DNAH11: variants seen among roughly 807,000 people sequenced by gnomAD.
DNAH11 encodes the protein axonemal beta dynein heavy chain 11.
A neutral mutation model predicts 526.0 loss-of-function variants in DNAH11; 442 were observed. The ratio of observed to expected loss-of-function variants is 0.84; its 90% confidence interval spans 0.78 to 0.91. The LOEUF is 0.91. Ranked by LOEUF, DNAH11 falls within the 40% of genes least tolerant of loss-of-function variation. The pLI is 0.00. For missense variants in DNAH11, 6,989 were observed against 5,448.7 expected, an observed-to-expected ratio of 1.28 and a Z score of -8.90; for synonymous variants, 2,461 against 1,935.9, an observed-to-expected ratio of 1.27 and a Z score of -7.12.
chr7:21,704,801 A>C (rs1784203782), intron 38 of DNAH11, among the ~76,000 whole-genome samples, 173 bp downstream of exon 38: 1 of 152,244 alleles, frequency 6.6e-6, no homozygotes, highest in Non-Finnish European at 1.5e-5. Flanking sequence ...GTAAACATTT[A>C]AGTAGCCCCT....
At chr7:21,596,213 C>T (rs1784855188) in intron 14 of DNAH11, among the ~76,000 whole-genome samples, 2 of 152,164 alleles carry the variant, frequency 1.3e-5, no homozygotes, top group Non-Finnish European at 2.9e-5. Flanking sequence ...CCCAAGGCTG[C>T]CATGACAAGG....
At chr7:21,695,184 A>G (rs1453821083) in intron 35 of DNAH11, among the ~76,000 whole-genome samples, 2 of 152,234 alleles carry the variant, frequency 1.3e-5, no homozygotes, top group Non-Finnish European at 2.9e-5. Flanking sequence ...TAATTCAAAG[A>G]TTCAATGCTA....
At chr7:21,763,887 A>C (rs541103678) in intron 54 of DNAH11, among the ~76,000 whole-genome samples, 1 of 151,738 alleles carries the variant, frequency 6.6e-6, no homozygotes, top group South Asian at 2.1e-4. Context: ...GTCATATGTC[A>C]ACATGGATGA....
intron 6 of DNAH11, among the ~76,000 whole-genome samples, chr7:21,568,129 C>G (rs1389945853): frequency 2.6e-5 from 4 of 152,142 alleles, no homozygotes; most frequent in Non-Finnish European, 5.9e-5. Flanking sequence ...GGGAGACGAG[C>G]CTCAAACTAA....
At chr7:21,779,858 CA>C (rs1239097682) in intron 57 of DNAH11, among the ~76,000 whole-genome samples, 1 of 152,098 alleles carries the variant, frequency 6.6e-6, no homozygotes, top group African/African-American at 2.4e-5. Flanking sequence ...TTATTTTAGA[CA>C]AAAAAGTATA....
chr7:21,893,999 G>A (rs954951328), intron 77 of DNAH11, among the ~76,000 whole-genome samples: 3 of 152,152 alleles, frequency 2.0e-5, no homozygotes, highest in Admixed American at 6.5e-5. Context: ...AGCGATTTTC[G>A]TGCCTCAGCC....
rs574318635 is a variant in DNAH11, at chr7:21,736,874, T to A, written c.7645+1030T>A. ...ATCTATTCAGAAAATACATATTATT[T>A]ACCTACTTTTTCCCAAGCATTGTGT... On this transcript the variant is annotated intron_variant, in intron 46 of 81. Coordinates refer to ENST00000409508, the MANE Select transcript of DNAH11 (RefSeq NM_001277115.2). Among the ~76,000 whole-genome samples, 5 of 152,326 alleles carry A rather than the reference T, an allele frequency of 3.3e-5. No individual in the cohort carries two copies. In the South Asian group the frequency reaches 1.0e-3, roughly 32 times the overall value.
chr7:21,753,579 A>G (rs1359699236), intron 54 of DNAH11, among the ~76,000 whole-genome samples: 1 of 152,158 alleles, frequency 6.6e-6, no homozygotes, highest in Non-Finnish European at 1.5e-5. Flanking sequence ...TGTCTAAACA[A>G]CATGTATTTC....
chr7:21,589,499 A>G, intron 12 of DNAH11, 96 bp downstream of exon 12: 1 of 1,092,110 alleles, frequency 9.2e-7, no homozygotes, highest in Non-Finnish European at 1.3e-6. Flanking sequence ...CATTTGGGAA[A>G]ATGTCAGAGT....
chr7:21,653,424 TTG>T (rs1167262438), intron 28 of DNAH11, among the ~76,000 whole-genome samples: 1 of 152,144 alleles, frequency 6.6e-6, no homozygotes, highest in African/African-American at 2.4e-5. Context: ...TGCCTAAGAT[TTG>T]TGTTTCCTGG....
intron 32 of DNAH11, among the ~76,000 whole-genome samples, chr7:21,684,266 G>T (rs1465448868): frequency 6.6e-6 from 1 of 152,104 alleles, no homozygotes; most frequent in Non-Finnish European, 1.5e-5. Flanking sequence ...ACTAGGAATT[G>T]CCTGTGTTCA....
intron 30 of DNAH11, among the ~76,000 whole-genome samples, chr7:21,679,951 T>C (rs1783070680): frequency 1.3e-5 from 2 of 152,206 alleles, no homozygotes; most frequent in Non-Finnish European, 2.9e-5. Flanking sequence ...ACATATGCCA[T>C]GTTGGTGTGC....
rs1390896451 is a variant in DNAH11 at position 21,738,749 on chromosome 7, C to T, written c.7694C>T (p.Pro2565Leu). The part of the protein sequence containing the change: ...LEKKAGHNYG[P>L]GGNKKLIYFI... ...AAAAAAGCTGGTCATAACTATGGTC[C>T]TGGAGGAAATAAAAAATTGATTTAT... The change falls in exon 47 of 82, where the codon CCT (proline) becomes CTT (leucine). Residue 2565 changes from proline to leucine, a missense_variant. Transcript: ENST00000409508. 6.3e-7 allele frequency: 1 copy of T among 1,587,152 alleles called. No individual in the cohort carries two copies. The highest frequency in any genetic ancestry group is 1.8e-5 in the Admixed American group (1 of 56,370).
In DNAH11 at chr7:21,734,175, C is replaced by T. The variant is rs549384064; in HGVS notation, c.7441-1465C>T. Among the ~76,000 whole-genome samples the T allele has an allele frequency of 2.4e-4, 36 of 152,178 alleles. No individual in the cohort carries two copies. In the South Asian group the frequency reaches 2.7e-3, roughly 11 times the overall value. On this transcript the variant is annotated intron_variant, in intron 45 of 81. Coordinates refer to ENST00000409508, the MANE Select transcript of DNAH11 (RefSeq NM_001277115.2). ...ACTTACTAGTAGCTATGACCTTGAC[C>T]GAGTCAGTTATGTTCTTTAAGCTTT...
intron 28 of DNAH11, among the ~76,000 whole-genome samples, chr7:21,649,656 C>CTT (rs576947483): frequency 4.0e-4 from 56 of 140,252 alleles, no homozygotes; most frequent in East Asian, 2.7e-3. Flanking sequence ...GTATCCTACT[C>CTT]TTTTTTTTTT....
chr7:21,713,984 A>G (rs1784552984), intron 42 of DNAH11, among the ~76,000 whole-genome samples: 2 of 152,168 alleles, frequency 1.3e-5, no homozygotes, highest in Middle Eastern at 3.4e-3. Flanking sequence ...TGTACAGAGA[A>G]CCCAGGCACC....
intron 61 of DNAH11, among the ~76,000 whole-genome samples, chr7:21,791,135 G>A (rs1788462998): frequency 2.0e-5 from 3 of 152,164 alleles, no homozygotes; most frequent in Admixed American, 2.0e-4. Flanking sequence ...AGGAGCGTGA[G>A]GTGCCTGGCA....
chr7:21,875,915 A>C (rs946778509), intron 74 of DNAH11, among the ~76,000 whole-genome samples: 1 of 120,106 alleles, frequency 8.3e-6, no homozygotes. Context: ...ACAGAGTCTC[A>C]CTCTATCGCC....
chr7:21,648,009 T>C (rs536111009), intron 28 of DNAH11, among the ~76,000 whole-genome samples: 1 of 151,880 alleles, frequency 6.6e-6, no homozygotes, highest in African/African-American at 2.4e-5. Flanking sequence ...CTAGAAAAAA[T>C]TGGAGCATTA....
Sources: allele counts gnomAD v4.1 joint callset (sites outside exome capture counted in the v4.1 genomes callset), GRCh38; gene constraint gnomAD v4.1.1; transcripts MANE v1.5; gene names NCBI Gene and HGNC (gene_info 2026-07-23, HGNC 2026-07-21).